RLN2: variants seen among roughly 807,000 people sequenced by gnomAD.
RLN2 encodes prorelaxin H2.
RLN2 carries 10 observed loss-of-function variants against 7.3 expected under a neutral mutation model. The ratio of observed to expected loss-of-function variants is 1.36; its 90% confidence interval spans 0.84 to 2.31. The LOEUF is 2.31. Among genes scored for constraint, RLN2 ranks in the 30% most tolerant of loss-of-function variants. The pLI is 0.00. For synonymous variants in RLN2, 103 were observed against 82.3 expected, an observed-to-expected ratio of 1.25 and a Z score of -1.36; for missense variants, 298 against 217.6, an observed-to-expected ratio of 1.37 and a Z score of -2.32.
chr9:5,318,728 GT>G, the RLN2 span, among the ~76,000 whole-genome samples: 1 of 151,816 alleles, frequency 6.6e-6, no homozygotes, highest in Non-Finnish European at 1.5e-5. Flanking sequence ...CTTGTTTGTA[GT>G]TTTTGCTGAG....
chr9:5,336,829 G>T, the RLN2 span, among the ~76,000 whole-genome samples: 1 of 151,846 alleles, frequency 6.6e-6, no homozygotes, highest in Non-Finnish European at 1.5e-5. Flanking sequence ...GCAGACACCT[G>T]GTTAACCACT....
At chr9:5,336,989 A>AAAAAC in the RLN2 span, among the ~76,000 whole-genome samples, 286 of 152,106 alleles carry the variant, frequency 1.9e-3, no homozygotes, top group African/African-American at 5.9e-3. Flanking sequence ...CAGAGCAATA[A>AAAAAC]AAAACAAAAC....
intron 1 of RLN2, among the ~76,000 whole-genome samples, chr9:5,301,998 T>C (rs576410406): frequency 6.6e-6 from 1 of 152,202 alleles, no homozygotes; most frequent in Non-Finnish European, 1.5e-5. Context: ...AATTTCATCA[T>C]AAAAACCTCT....
chr9:5,337,220 A>T, the RLN2 span, among the ~76,000 whole-genome samples: 62 of 152,176 alleles, frequency 4.1e-4, 4 homozygotes, highest in African/African-American at 1.3e-3. Context: ...TTGCAGTCTT[A>T]TTAAATGCTG....
chr9:5,322,125 G>C, the RLN2 span, among the ~76,000 whole-genome samples: 1 of 152,016 alleles, frequency 6.6e-6, no homozygotes, highest in Non-Finnish European at 1.5e-5. Flanking sequence ...TAGGATATCA[G>C]TGGATGGACA....
chr9:5,330,130 G>T, the RLN2 span, among the ~76,000 whole-genome samples: 1 of 151,976 alleles, frequency 6.6e-6, no homozygotes, highest in African/African-American at 2.4e-5. Flanking sequence ...ACAACTACAT[G>T]GAAACTGAAC....
the RLN2 span, among the ~76,000 whole-genome samples, chr9:5,330,619 C>A: frequency 8.8e-6 from 1 of 113,632 alleles, no homozygotes; most frequent in East Asian, 2.4e-4. Context: ...GCCTGGGCGA[C>A]AGAGCAAGAC....
chr9:5,333,602 T>TC, the RLN2 span, among the ~76,000 whole-genome samples: 1 of 151,992 alleles, frequency 6.6e-6, no homozygotes, highest in South Asian at 2.1e-4. Context: ...AAAGAAGAGC[T>TC]GGTACCATTT....
At chr9:5,335,383 G>C in the RLN2 span, 3,657 of 1,613,580 alleles carry the variant, frequency 2.3e-3, 109 homozygotes, top group African/African-American at 0.044. Flanking sequence ...AAGGATTGCT[G>C]TCTGCGGCTT....
rs1816208900 is a variant in RLN2, at chr9:5,304,655, G to A, written c.-75C>T. The A allele has an allele frequency of 1.4e-6, 2 of 1,457,006 alleles. No individual in the cohort carries two copies. Among genetic ancestry groups the A allele is most frequent in the African/African-American group, 1.4e-5 (1 of 71,868 alleles). 90.3% of individuals were successfully genotyped at this position (1,457,006 alleles called of 1,614,324 possible). A position where few individuals can be genotyped will look rare whatever the true frequency, so the allele number is the denominator to read the frequency against. On this transcript the variant is annotated 5_prime_UTR_variant, in exon 1 of 2. Transcript: ENST00000381627. ...TGCAGCTGCTGTGGCCTACACACCTGGGCCTGTGTGCCTGTCCCGGGCTTT... is the reference window on the plus strand; with the variant it reads ...TGCAGCTGCTGTGGCCTACACACCTAGGCCTGTGTGCCTGTCCCGGGCTTT...
chr9:5,328,067 A>C, the RLN2 span, among the ~76,000 whole-genome samples: 1 of 152,060 alleles, frequency 6.6e-6, no homozygotes, highest in African/African-American at 2.4e-5. Context: ...GAGTTCGACA[A>C]GTTGACAGAA....
At chr9:5,332,852 G>C in the RLN2 span, among the ~76,000 whole-genome samples, 3 of 151,844 alleles carry the variant, frequency 2.0e-5, no homozygotes, top group African/African-American at 7.3e-5. Context: ...CCTGACCTCA[G>C]GTGATCCACC....
chr9:5,335,465 T>C, the RLN2 span: 1 of 1,613,586 alleles, frequency 6.2e-7, no homozygotes, highest in Non-Finnish European at 8.5e-7. Context: ...TGCAGGTACA[T>C]ACTGCTGTAG....
At chr9:5,325,220 G>C in the RLN2 span, among the ~76,000 whole-genome samples, 1 of 151,816 alleles carries the variant, frequency 6.6e-6, no homozygotes, top group Non-Finnish European at 1.5e-5. Flanking sequence ...CAAGCTTAGT[G>C]TTCCATTACC....
At chr9:5,329,840 AG>A in the RLN2 span, among the ~76,000 whole-genome samples, 1 of 151,992 alleles carries the variant, frequency 6.6e-6, no homozygotes, top group African/African-American at 2.4e-5. Context: ...TGTCAATAAT[AG>A]ACAGATCAAT....
the RLN2 span, among the ~76,000 whole-genome samples, chr9:5,310,626 ACT>A: frequency 2.7e-4 from 41 of 151,960 alleles, no homozygotes; most frequent in African/African-American, 9.4e-4. Flanking sequence ...ATCAGTTATA[ACT>A]CTTTTTGAAC....
the RLN2 span, among the ~76,000 whole-genome samples, chr9:5,330,724 G>C: frequency 8.8e-6 from 1 of 114,238 alleles, no homozygotes; most frequent in Non-Finnish European, 1.8e-5. Flanking sequence ...CAGAAGGCAA[G>C]AAATAACTAA....
chr9:5,336,310 G>C, the RLN2 span, among the ~76,000 whole-genome samples: 10 of 152,210 alleles, frequency 6.6e-5, no homozygotes, highest in African/African-American at 2.2e-4. Flanking sequence ...TGGTGTAAGT[G>C]TACTGACTAA....
the RLN2 span, among the ~76,000 whole-genome samples, chr9:5,331,074 A>C: frequency 3.9e-5 from 6 of 152,150 alleles, no homozygotes; most frequent in African/African-American, 1.4e-4. Context: ...TGAATACACC[A>C]ATAACAGGTT....
Sources: allele counts gnomAD v4.1 joint callset (sites outside exome capture counted in the v4.1 genomes callset), GRCh38; gene constraint gnomAD v4.1.1; transcripts MANE v1.5; gene names NCBI Gene and HGNC (gene_info 2026-07-23, HGNC 2026-07-21).